Variants in SWT1 observed in about 807,000 individuals in gnomAD.
SWT1 encodes transcriptional protein SWT1.
Under a neutral mutation model 107.3 loss-of-function variants are expected in SWT1, and 33 were observed. The observed-to-expected ratio is 0.31, with a 90% confidence interval of 0.23 to 0.41. The LOEUF is 0.41. Among genes scored for constraint, SWT1 ranks in the 10% least tolerant of loss-of-function variants. SWT1 has a pLI of 1.00. For synonymous variants in SWT1, 345 were observed against 348.3 expected (o/e 0.99, Z 0.11); for missense variants, 898 against 1,028.9 (o/e 0.87, Z 1.74).
At chr1:185,203,461 A>T (rs1658051049) in intron 11 of SWT1, among the ~76,000 whole-genome samples, 1 of 152,028 alleles carries the variant, frequency 6.6e-6, no homozygotes, top group African/African-American at 2.4e-5. Context: ...TGTACTAAAA[A>T]TACGAAAAAA....
chr1:185,284,689 T>G (rs75219458), intron 18 of SWT1, among the ~76,000 whole-genome samples: 6,024 of 152,226 alleles, frequency 0.04, 294 homozygotes, highest in African/African-American at 0.097. Context: ...GCTATACATT[T>G]TTGAATTAGA....
At chr1:185,171,034 A>G (rs1199404407) in intron 4 of SWT1, among the ~76,000 whole-genome samples, 1 of 152,180 alleles carries the variant, frequency 6.6e-6, no homozygotes, top group Non-Finnish European at 1.5e-5. Flanking sequence ...TTTTAAAATA[A>G]AACAGTGACT....
chr1:185,287,559 A>G (rs1162468819), intron 18 of SWT1, among the ~76,000 whole-genome samples: 2 of 152,218 alleles, frequency 1.3e-5, no homozygotes, highest in African/African-American at 4.8e-5. Flanking sequence ...AGGAAGAACT[A>G]TCTAGCAGTG....
At chr1:185,181,137 A>T (rs1655987286) in intron 6 of SWT1, among the ~76,000 whole-genome samples, 1 of 152,076 alleles carries the variant, frequency 6.6e-6, no homozygotes, top group South Asian at 2.1e-4. Context: ...GCATGGTGGT[A>T]CATGCATGTA....
In SWT1 at chr1:185,222,054, ATT is replaced by A. The variant is rs750854734; in HGVS notation, c.2309+26_2309+27del. 6.9e-7 allele frequency: 1 copy of A among 1,439,478 alleles called. No homozygotes were observed. The highest frequency in any genetic ancestry group is 9.2e-7 in the Non-Finnish European group (1 of 1,083,162). The allele number at this position is 1,439,478 out of a possible 1,614,324, so 89.2% of individuals were successfully genotyped here. ...CAGAACAGGTACTAAATTTGGGGGA[ATT>A]TTTTTTTAGTTATTTTTTAAATTGA... is the stretch of plus-strand genomic sequence containing the variant. On this transcript the variant is annotated intron_variant, in intron 15 of 18. Transcript: ENST00000367500.
chr1:185,197,174 G>C (rs554850008), intron 10 of SWT1, among the ~76,000 whole-genome samples: 1 of 152,132 alleles, frequency 6.6e-6, no homozygotes, highest in African/African-American at 2.4e-5. Context: ...TAGCATGAAG[G>C]GGTGTTGAAT....
intron 2 of SWT1, among the ~76,000 whole-genome samples, chr1:185,166,012 C>T (rs1412324269): frequency 6.6e-6 from 1 of 152,206 alleles, no homozygotes; most frequent in Non-Finnish European, 1.5e-5. Context: ...TTACTGACTC[C>T]CAGCCCTTCC....
chr1:185,234,335 C>T (rs1660711949), intron 16 of SWT1, among the ~76,000 whole-genome samples: 1 of 152,164 alleles, frequency 6.6e-6, no homozygotes, highest in Non-Finnish European at 1.5e-5. Flanking sequence ...ATAGTTAGCT[C>T]TTCTTGTTGC....
chr1:185,161,471 G>A (rs759536414), intron 2 of SWT1, among the ~76,000 whole-genome samples: 13 of 151,932 alleles, frequency 8.6e-5, no homozygotes, highest in Non-Finnish European at 1.5e-4. Context: ...TTGGGAGGCC[G>A]AGGCAGGAGG....
At chr1:185,161,733 A>C (rs112708009) in intron 2 of SWT1, among the ~76,000 whole-genome samples, 1 of 152,174 alleles carries the variant, frequency 6.6e-6, no homozygotes, top group Non-Finnish European at 1.5e-5. Flanking sequence ...GTTTTGGTAG[A>C]TGAAATTTAG....
intron 18 of SWT1, among the ~76,000 whole-genome samples, chr1:185,284,006 G>T (rs1664802265): frequency 6.6e-6 from 1 of 152,160 alleles, no homozygotes; most frequent in African/African-American, 2.4e-5. Context: ...CCTAGGAGTA[G>T]AATTCCTGGG....
intron 7 of SWT1, among the ~76,000 whole-genome samples, chr1:185,183,577 C>A (rs1656208584): frequency 6.6e-6 from 1 of 152,166 alleles, no homozygotes; most frequent in African/African-American, 2.4e-5. Flanking sequence ...GCCACCAAGC[C>A]CAGCATGTAT....
At chr1:185,274,446 C>A (rs772458574) in intron 17 of SWT1, among the ~76,000 whole-genome samples, 1 of 151,488 alleles carries the variant, frequency 6.6e-6, no homozygotes, top group Non-Finnish European at 1.5e-5. Flanking sequence ...CATGCATCAT[C>A]GTGCCTGGCT....
At chr1:185,179,915 A>G (rs932733147) in intron 5 of SWT1, among the ~76,000 whole-genome samples, 7 of 152,154 alleles carry the variant, frequency 4.6e-5, no homozygotes, top group Admixed American at 4.6e-4. Context: ...GGCTGGCACT[A>G]CGGCTCACGC....
chr1:185,183,849 T>G (rs1370841900), intron 7 of SWT1, among the ~76,000 whole-genome samples: 1 of 152,208 alleles, frequency 6.6e-6, no homozygotes, highest in African/African-American at 2.4e-5. Flanking sequence ...CTAAAGGACT[T>G]CTCTTAAGAA....
At chr1:185,243,849 T>C (rs1160725427) in intron 16 of SWT1, among the ~76,000 whole-genome samples, 1 of 152,198 alleles carries the variant, frequency 6.6e-6, no homozygotes, top group Non-Finnish European at 1.5e-5. Context: ...AGCCAAATTG[T>C]TGAAATAAGA....
At chr1:185,274,459 T>TTTAAAAA (rs1336137637) in intron 17 of SWT1, among the ~76,000 whole-genome samples, 37 of 151,908 alleles carry the variant, frequency 2.4e-4, no homozygotes, top group African/African-American at 8.4e-4. Flanking sequence ...GCCTGGCTGA[T>TTTAAAAA]TCACAGATTT....
At chr1:185,282,927 C>G (rs961067781) in intron 18 of SWT1, among the ~76,000 whole-genome samples, 5 of 152,102 alleles carry the variant, frequency 3.3e-5, no homozygotes, top group Non-Finnish European at 7.4e-5. Context: ...ATGACTCCCT[C>G]TTCAGGTTCA....
chr1:185,206,595 G>T, intron 12 of SWT1, 30 bp from the exon 13 acceptor site: 2 of 1,358,752 alleles, frequency 1.5e-6, no homozygotes, highest in Non-Finnish European at 2.0e-6. Flanking sequence ...TAAATCTAGA[G>T]ATGTTAATTT....
Sources: gnomAD v4.1 joint callset for allele counts (sites outside exome capture counted in the v4.1 genomes callset) on GRCh38, gnomAD v4.1.1 for gene constraint, MANE v1.5 for transcripts, NCBI Gene and HGNC (gene_info 2026-07-23, HGNC 2026-07-21) for gene names.